The following ZNF717 variants were observed in gnomAD, a reference collection of about 807,000 sequenced individuals.
ZNF717 encodes the protein zinc finger protein 717.
ZNF717 carries 9 observed loss-of-function variants against 13.8 expected under a neutral mutation model. That is an observed-to-expected ratio of 0.65 (90% confidence interval 0.39 to 1.14). The LOEUF is 1.14. Ranked by LOEUF, ZNF717 falls within the 50% of genes most tolerant of loss-of-function variation. ZNF717 has a pLI of 0.01. For missense variants in ZNF717, 1,040 were observed against 1,080.7 expected (o/e 0.96, Z 0.53); for synonymous variants, 327 against 364.1 (o/e 0.90, Z 1.16).
intron 2 of ZNF717, among the ~76,000 whole-genome samples, chr3:75,780,025 A>G: frequency 6.6e-6 from 1 of 150,898 alleles, no homozygotes; most frequent in East Asian, 2.0e-4. Flanking sequence ...AATGGGAGAG[A>G]CGTGCTAAAC....
chr3:75,767,648 T>C (rs1204643665), intron 2 of ZNF717, among the ~76,000 whole-genome samples: 1 of 139,478 alleles, frequency 7.2e-6, no homozygotes, highest in African/African-American at 2.6e-5. Flanking sequence ...TGAGGGACTG[T>C]GGGAAAACTA....
At chr3:75,739,412 G>A in intron 4 of ZNF717, 67 bp from the exon 5 acceptor site, 3 of 1,276,306 alleles carry the variant, frequency 2.4e-6, no homozygotes, top group Non-Finnish European at 3.0e-6. Context: ...TTGTGTAAAG[G>A]TAAAAAAAAT....
At chr3:75,715,129 T>G (rs1343111676) in intron 5 of ZNF717, among the ~76,000 whole-genome samples, 1 of 152,240 alleles carries the variant, frequency 6.6e-6, no homozygotes, top group Non-Finnish European at 1.5e-5. Flanking sequence ...AACCACAGTT[T>G]GGGTAAAGCA....
At chr3:75,769,482 T>C (rs1471170140) in intron 2 of ZNF717, among the ~76,000 whole-genome samples, 2 of 152,198 alleles carry the variant, frequency 1.3e-5, no homozygotes, top group African/African-American at 2.4e-5. Context: ...AATTGTGATA[T>C]GTAAAAGGAT....
intron 2 of ZNF717, among the ~76,000 whole-genome samples, chr3:75,765,642 G>A (rs1417214507): frequency 6.6e-6 from 1 of 152,004 alleles, no homozygotes; most frequent in Non-Finnish European, 1.5e-5. Flanking sequence ...CACCTCCTGG[G>A]CTCAAGCAAT....
chr3:75,744,218 A>G (rs1449448193), intron 2 of ZNF717, among the ~76,000 whole-genome samples: 2 of 152,364 alleles, frequency 1.3e-5, no homozygotes, highest in South Asian at 4.1e-4. Flanking sequence ...TGTGGAAAAA[A>G]ATCCTTTAAC....
At chr3:75,784,670 T>G (rs1469438704) in intron 1 of ZNF717, 4 of 152,234 alleles carry the variant, frequency 2.6e-5, no homozygotes, top group African/African-American at 9.7e-5. Context: ...CGAATTCACC[T>G]CAACCTTCTG....
At chr3:75,722,601 G>C (rs1324503015) in intron 4 of ZNF717, among the ~76,000 whole-genome samples, 1 of 151,914 alleles carries the variant, frequency 6.6e-6, no homozygotes, top group African/African-American at 2.4e-5. Context: ...GATCACTTGA[G>C]GTCAGGAGTT....
intron 6 of ZNF717, among the ~76,000 whole-genome samples, chr3:75,701,222 T>G (rs2106811221): frequency 6.6e-6 from 1 of 152,428 alleles, no homozygotes; most frequent in East Asian, 1.9e-4. Context: ...ATCTGATGGT[T>G]TTATAAGGGA....
chr3:75,720,748 C>T (rs74805689), intron 4 of ZNF717, among the ~76,000 whole-genome samples: 2 of 152,098 alleles, frequency 1.3e-5, no homozygotes, highest in African/African-American at 2.4e-5. Context: ...TTTGAGAAGC[C>T]GAGGCAGGAG....
At chr3:75,710,925 T>G (rs1937925288) in exon 6 of ZNF717, 1 of 152,138 alleles carries the variant, frequency 6.6e-6, no homozygotes, top group African/African-American at 2.4e-5. Flanking sequence ...TTACAGAAAG[T>G]TCAGGTTTAA....
rs777943785 is a variant in ZNF717, at chr3:75,737,464, C to T, written c.2159G>A (p.Ser720Asn). 1.2e-5 allele frequency: 19 copies of T among 1,555,196 alleles called. No individual in the cohort carries two copies. Among genetic ancestry groups the T allele is most frequent in the South Asian group, 5.9e-5 (5 of 84,278 alleles). ...NPFIRRQIFR[S>N]IKVFTRGRNP... ...TCTCCCCCGTGTGAATACCTTGATGCTTCTGAAGATTTGCCTTCTGATGAA... is the reference window on the plus strand; with the variant it reads ...TCTCCCCCGTGTGAATACCTTGATGTTTCTGAAGATTTGCCTTCTGATGAA... Residue 720 changes from serine to asparagine, a missense_variant, in exon 5 of 5, where the codon AGC becomes AAC. Transcript: ENST00000652011.
At chr3:75,734,139 G>T (rs1339541426), downstream of ZNF717, among the ~76,000 whole-genome samples, 7 of 142,426 alleles carry the variant, frequency 4.9e-5, no homozygotes, top group African/African-American at 1.8e-4. Flanking sequence ...GCACATTCTC[G>T]GCTCACTGCA....
At chr3:75,732,877 T>C (rs2106928042), downstream of ZNF717, among the ~76,000 whole-genome samples, 1 of 152,176 alleles carries the variant, frequency 6.6e-6, no homozygotes, top group African/African-American at 2.4e-5. Context: ...CAATTTGAAG[T>C]GACAGATCAT....
downstream of ZNF717, chr3:75,729,919 T>C (rs2918495): frequency 0.35 from 53,171 of 150,982 alleles, 4,218 homozygotes; most frequent in South Asian, 0.5. Context: ...TGGATGTAAA[T>C]AGTTGTGTTG....
At chr3:75,748,494 G>C (rs1171693229) in intron 2 of ZNF717, among the ~76,000 whole-genome samples, 1 of 152,124 alleles carries the variant, frequency 6.6e-6, no homozygotes, top group Non-Finnish European at 1.5e-5. Context: ...TATCGACCAT[G>C]ATCAAGATGG....
chr3:75,708,459 C>T (rs1286413591), downstream of ZNF717, among the ~76,000 whole-genome samples: 4 of 152,146 alleles, frequency 2.6e-5, no homozygotes, highest in African/African-American at 7.2e-5. Context: ...CACCAAAAAC[C>T]CATCTGTACG....
chr3:75,726,168 G>T (rs1266693220), downstream of ZNF717, among the ~76,000 whole-genome samples: 7 of 152,396 alleles, frequency 4.6e-5, no homozygotes, highest in Non-Finnish European at 7.3e-5. Context: ...TCACAATGAA[G>T]ATCACTAGGC....
downstream of ZNF717, among the ~76,000 whole-genome samples, chr3:75,707,129 C>T (rs1217141487): frequency 3.9e-5 from 6 of 152,422 alleles, no homozygotes; most frequent in East Asian, 1.2e-3. Flanking sequence ...GTTTGGGCCA[C>T]ACAGGCTCTG....
Sources: allele counts gnomAD v4.1 joint callset (sites outside exome capture counted in the v4.1 genomes callset), GRCh38; gene constraint gnomAD v4.1.1; transcripts MANE v1.5; gene names NCBI Gene and HGNC (gene_info 2026-07-23, HGNC 2026-07-21).